The following STXBP4 variants were observed in gnomAD, a reference collection of about 807,000 sequenced individuals.
STXBP4 encodes syntaxin-binding protein 4.
STXBP4 carries 55 observed loss-of-function variants against 76.1 expected under a neutral mutation model. The ratio of observed to expected loss-of-function variants is 0.72; its 90% CI spans 0.58 to 0.91. STXBP4 has a LOEUF of 0.91. STXBP4 is among the 40% of genes least tolerant of loss of function. The pLI, the probability that STXBP4 is intolerant of heterozygous loss-of-function variation, is 0.00. For missense variants in STXBP4, 618 were observed against 636.9 expected (o/e 0.97, Z 0.32); for synonymous variants, 201 against 220.2 (o/e 0.91, Z 0.77).
At chr17:55,020,011 T>G (rs965079717) in intron 8 of STXBP4, among the ~76,000 whole-genome samples, 1 of 152,242 alleles carries the variant, frequency 6.6e-6, no homozygotes, top group Non-Finnish European at 1.5e-5. Flanking sequence ...TATGTTAGCC[T>G]ATTTAGGATT....
chr17:54,988,206 A>C (rs1265800782), intron 3 of STXBP4, among the ~76,000 whole-genome samples: 1 of 152,228 alleles, frequency 6.6e-6, no homozygotes, highest in Non-Finnish European at 1.5e-5. Context: ...ATATTAATTC[A>C]GAAAATATAT....
intron 8 of STXBP4, among the ~76,000 whole-genome samples, chr17:55,029,652 A>G (rs2078473086): frequency 6.6e-6 from 1 of 151,654 alleles, no homozygotes; most frequent in African/African-American, 2.4e-5. Context: ...TCATTTTTGA[A>G]AGAATCTTTC....
intron 16 of STXBP4, among the ~76,000 whole-genome samples, chr17:55,125,500 A>AAAAAAAAAAAT (rs1459281293): frequency 6.7e-6 from 1 of 149,282 alleles, no homozygotes; most frequent in African/African-American, 2.5e-5. Flanking sequence ...AAAAAAAAAA[A>AAAAAAAAAAAT]TACAATTGAA....
intron 16 of STXBP4, among the ~76,000 whole-genome samples, chr17:55,138,186 G>C (rs1470301267): frequency 6.6e-6 from 1 of 151,698 alleles, no homozygotes; most frequent in Non-Finnish European, 1.5e-5. Flanking sequence ...ATGTCTTTAT[G>C]TCGATTTCAA....
At position 55,164,638 on chromosome 17, in the gene STXBP4, G is replaced by A. The variant is rs1255032032; in HGVS notation, c.*4727G>A. On this transcript the variant is annotated 3_prime_UTR_variant, in exon 18 of 18. Coordinates refer to ENST00000376352, the MANE Select transcript of STXBP4 (RefSeq NM_178509.6). ...GCTAATTTTTTTTGTATTTTTAGTAGAGACGGGGTTTCACCTTGTTAGCCA... is the reference window on the plus strand; with the variant it reads ...GCTAATTTTTTTTGTATTTTTAGTAAAGACGGGGTTTCACCTTGTTAGCCA... 6.7e-6 allele frequency: 1 copy of A among 149,808 alleles called. No individual in the cohort carries two copies. Among genetic ancestry groups the A allele is most frequent in the Non-Finnish European group, 1.5e-5 (1 of 67,552 alleles). The allele number at this position is 149,808 out of a possible 1,614,324, so 9.3% of individuals were successfully genotyped here. A position where few individuals can be genotyped will look rare whatever the true frequency, so the allele number is the denominator to read the frequency against.
At chr17:55,057,603 T>C (rs2078943979) in intron 12 of STXBP4, among the ~76,000 whole-genome samples, 1 of 152,204 alleles carries the variant, frequency 6.6e-6, no homozygotes, top group Non-Finnish European at 1.5e-5. Context: ...GTTTATTACA[T>C]AGGTATACAT....
intron 16 of STXBP4, among the ~76,000 whole-genome samples, chr17:55,121,806 T>C (rs570874601): frequency 1.6e-4 from 24 of 152,064 alleles, no homozygotes; most frequent in Non-Finnish European, 2.4e-4. Context: ...TTTTAATTAA[T>C]GGATAAGGAC....
intron 8 of STXBP4, among the ~76,000 whole-genome samples, chr17:55,009,579 A>T (rs1480116383): frequency 6.6e-6 from 1 of 152,154 alleles, no homozygotes; most frequent in African/African-American, 2.4e-5. Context: ...TTAAATCTGA[A>T]TTCCAGTTTT....
At chr17:55,120,126 T>C (rs569215256) in intron 16 of STXBP4, among the ~76,000 whole-genome samples, 9 of 152,316 alleles carry the variant, frequency 5.9e-5, no homozygotes, top group African/African-American at 2.2e-4. Flanking sequence ...CTCTTTAAAC[T>C]TAATTTCAAG....
chr17:55,108,502 C>T (rs1024312051), intron 16 of STXBP4, among the ~76,000 whole-genome samples: 8 of 152,250 alleles, frequency 5.3e-5, no homozygotes, highest in Admixed American at 3.3e-4. Flanking sequence ...AAATGGCTGC[C>T]CAGTTTTGTG....
chr17:55,097,391 C>T (rs556039688), intron 16 of STXBP4, among the ~76,000 whole-genome samples: 69 of 152,116 alleles, frequency 4.5e-4, no homozygotes, highest in African/African-American at 1.0e-3. Flanking sequence ...TGACCGGGCG[C>T]GGTGGCTCAT....
At chr17:55,011,513 T>TTTTTTTTTC (rs2078111872) in intron 8 of STXBP4, among the ~76,000 whole-genome samples, 4 of 143,132 alleles carry the variant, frequency 2.8e-5, no homozygotes. Context: ...TTTTTCTTTT[T>TTTTTTTTTC]TTTTTTTTTT....
At chr17:55,208,569 G>A in the STXBP4 span, among the ~76,000 whole-genome samples, 6 of 71,196 alleles carry the variant, frequency 8.4e-5, no homozygotes, top group Non-Finnish European at 1.3e-4. Context: ...AAGGAAGGGA[G>A]GGAGGGAAGA....
At chr17:55,007,479 A>G (rs759567716) in intron 7 of STXBP4, 27 bp from the exon 8 acceptor site, 4 of 1,555,798 alleles carry the variant, frequency 2.6e-6, no homozygotes, top group Non-Finnish European at 1.8e-6. Context: ...TAAGTTCCCA[A>G]TTAATGTGCA....
rs1488914803 is a variant in STXBP4 at position 54,997,328 on chromosome 17, A to G, written c.181-2017A>G. Among the ~76,000 whole-genome samples the G allele has an allele frequency of 2.6e-5, 4 of 151,842 alleles. No individual in the cohort carries two copies. The East Asian group carries it at 5.8e-4, about 22-fold the overall frequency. On this transcript the variant is annotated intron_variant, in intron 4 of 17. Coordinates refer to ENST00000376352, the MANE Select transcript of STXBP4 (RefSeq NM_178509.6). ...ACACCAGAAGTCATAGTCAGAAGGC[A>G]TTCTTCTTCTTCTCTTTTCTGACTC...
the STXBP4 span, among the ~76,000 whole-genome samples, chr17:55,188,289 T>A: frequency 6.6e-6 from 1 of 152,354 alleles, no homozygotes; most frequent in South Asian, 2.1e-4. Context: ...GCTGGATGTG[T>A]CTGGGTCACA....
intron 10 of STXBP4, among the ~76,000 whole-genome samples, chr17:55,038,456 G>A (rs183381955): frequency 2.2e-4 from 33 of 152,194 alleles, no homozygotes; most frequent in Middle Eastern, 3.4e-3. Flanking sequence ...TGACTCATAA[G>A]ATCTCTTGAG....
intron 13 of STXBP4, among the ~76,000 whole-genome samples, chr17:55,073,921 G>A (rs1440958058): frequency 2.0e-5 from 3 of 152,100 alleles, no homozygotes; most frequent in African/African-American, 4.8e-5. Context: ...GAGCCACCAC[G>A]CCTGGACAGT....
At chr17:55,040,939 C>T (rs1311939362) in intron 10 of STXBP4, among the ~76,000 whole-genome samples, 4 of 152,140 alleles carry the variant, frequency 2.6e-5, no homozygotes, top group Non-Finnish European at 5.9e-5. Context: ...ACAAAAAAGT[C>T]ATTGAGCACA....
Sources: gnomAD v4.1 joint callset for allele counts (sites outside exome capture counted in the v4.1 genomes callset) on GRCh38, gnomAD v4.1.1 for gene constraint, MANE v1.5 for transcripts, NCBI Gene and HGNC (gene_info 2026-07-23, HGNC 2026-07-21) for gene names.